The following RERE variants were observed in gnomAD, a reference collection of about 807,000 sequenced individuals.
The protein encoded by RERE is arginine-glutamic acid dipeptide repeats protein.
RERE carries 40 observed loss-of-function variants against 146.1 expected under a neutral mutation model. The observed-to-expected ratio is 0.27, with a 90% CI of 0.21 to 0.36. The LOEUF (loss-of-function observed/expected upper bound fraction) is 0.36, where lower values mean the gene tolerates loss of function less well. Among genes scored for constraint, RERE ranks in the 10% least tolerant of loss-of-function variants. The pLI is 1.00. For missense variants in RERE, 1,933 were observed against 2,138.7 expected (o/e 0.90, Z 1.90); for synonymous variants, 1,003 against 866.0 (o/e 1.16, Z -2.78).
At chr1:8,653,378 T>C (rs1479149162) in intron 2 of RERE, among the ~76,000 whole-genome samples, 1 of 152,206 alleles carries the variant, frequency 6.6e-6, no homozygotes, top group Non-Finnish European at 1.5e-5. Context: ...AAAGTAAATC[T>C]TTCCTTATAC....
intron 12 of RERE, among the ~76,000 whole-genome samples, chr1:8,386,824 A>G (rs903162402): frequency 2.6e-5 from 4 of 152,118 alleles, no homozygotes; most frequent in African/African-American, 9.7e-5. Context: ...TCAGGGGAAA[A>G]GCTGCAACTT....
chr1:8,671,047 A>G (rs915118612), intron 1 of RERE, among the ~76,000 whole-genome samples: 1 of 152,230 alleles, frequency 6.6e-6, no homozygotes, highest in Non-Finnish European at 1.5e-5. Flanking sequence ...TGACATGCAA[A>G]GAGAACAAAA....
At chr1:8,384,593 C>G (rs777857199) in intron 12 of RERE, among the ~76,000 whole-genome samples, 7 of 152,212 alleles carry the variant, frequency 4.6e-5, no homozygotes, top group Non-Finnish European at 7.3e-5. Flanking sequence ...TGATGAATAT[C>G]TGAACTGATG....
chr1:8,495,197 T>C (rs544751699), intron 9 of RERE, 35 bp from the exon 10 acceptor site: 6 of 1,471,654 alleles, frequency 4.1e-6, no homozygotes, highest in Admixed American at 1.7e-5. Flanking sequence ...TATTAGTACA[T>C]AGTAATATCA....
intron 8 of RERE, among the ~76,000 whole-genome samples, chr1:8,504,983 G>A (rs1367235720): frequency 6.6e-6 from 1 of 152,188 alleles, no homozygotes; most frequent in Non-Finnish European, 1.5e-5. Context: ...ACTAGAATGA[G>A]GCCGAACCTC....
At chr1:8,357,351 G>C (rs889082305) in intron 20 of RERE, among the ~76,000 whole-genome samples, 3 of 152,252 alleles carry the variant, frequency 2.0e-5, no homozygotes, top group African/African-American at 4.8e-5. Context: ...GCAATGGTGA[G>C]TGCTCTCCCA....
chr1:8,690,401 G>A (rs1195446973), intron 1 of RERE, among the ~76,000 whole-genome samples: 4 of 152,184 alleles, frequency 2.6e-5, no homozygotes, highest in Admixed American at 2.0e-4. Flanking sequence ...CTTGGGGAAC[G>A]GAAAGCTAAG....
chr1:8,508,712 A>G (rs1645289756), intron 7 of RERE, 37 bp from the exon 8 acceptor site: 1 of 1,501,904 alleles, frequency 6.7e-7, no homozygotes. Context: ...TTAGCGCAAT[A>G]CAGTTTTGAC....
chr1:8,424,210 G>A (rs1407342039), intron 11 of RERE: 1 of 152,138 alleles, frequency 6.6e-6, no homozygotes, highest in Non-Finnish European at 1.5e-5. Context: ...GATTGTGGGC[G>A]GCCTCTCCCT....
intron 1 of RERE, among the ~76,000 whole-genome samples, chr1:8,770,577 A>G (rs1030380726): frequency 2.6e-5 from 4 of 152,164 alleles, no homozygotes; most frequent in African/African-American, 9.7e-5. Flanking sequence ...TATACTTAAC[A>G]ATCCATGAAG....
rs1639524205 is a variant in RERE, at chr1:8,704,729, A to G, written c.-144-48288T>C. 1.3e-5 allele frequency among the ~76,000 whole-genome samples: 2 copies of G among 152,250 alleles called. 1 individual carries two copies. The highest frequency in any genetic ancestry group is 4.1e-4 in the South Asian group (2 of 4,836). On this transcript the variant is annotated intron_variant, in intron 1 of 22. Transcript: ENST00000400908. ...CTCTGCTGGTCTCTCTTTAAAGACA[A>G]ATCAAGTTATTCTACAGGACATAGA...
At chr1:8,612,681 T>C (rs1248580692) in intron 4 of RERE, among the ~76,000 whole-genome samples, 2 of 152,192 alleles carry the variant, frequency 1.3e-5, no homozygotes, top group African/African-American at 2.4e-5. Context: ...GTATTAATAA[T>C]AGCATCCACA....
chr1:8,724,790 C>T (rs548560618), intron 1 of RERE, among the ~76,000 whole-genome samples: 87 of 150,608 alleles, frequency 5.8e-4, no homozygotes, highest in Non-Finnish European at 1.0e-3. Context: ...GATTGCACCA[C>T]TGCACTCCAG....
intron 4 of RERE, among the ~76,000 whole-genome samples, chr1:8,607,270 G>C (rs1646726576): frequency 6.6e-6 from 1 of 151,486 alleles, no homozygotes; most frequent in South Asian, 2.1e-4. Context: ...TGAGGTAGGA[G>C]GATCATCTGC....
intron 7 of RERE, among the ~76,000 whole-genome samples, chr1:8,527,215 A>G (rs918880945): frequency 6.6e-6 from 1 of 152,214 alleles, no homozygotes; most frequent in Admixed American, 6.5e-5. Flanking sequence ...TGCCAAGTAC[A>G]CTTAAATACG....
intron 1 of RERE, among the ~76,000 whole-genome samples, chr1:8,701,764 T>C (rs1427670634): frequency 6.6e-6 from 1 of 151,958 alleles, no homozygotes; most frequent in African/African-American, 2.4e-5. Context: ...CTTTATAAAA[T>C]AGTTTAAACA....
chr1:8,543,586 T>A (rs1645824526), intron 6 of RERE, among the ~76,000 whole-genome samples: 1 of 152,194 alleles, frequency 6.6e-6, no homozygotes, highest in Non-Finnish European at 1.5e-5. Context: ...AAATCAGGTA[T>A]GTTTAGGGCA....
intron 1 of RERE, among the ~76,000 whole-genome samples, chr1:8,689,954 G>A (rs964744377): frequency 2.6e-5 from 4 of 152,130 alleles, no homozygotes; most frequent in Non-Finnish European, 5.9e-5. Flanking sequence ...GGCCAGTAAA[G>A]GCTGTTCAGT....
intron 4 of RERE, among the ~76,000 whole-genome samples, chr1:8,583,569 G>C (rs1453173234): frequency 2.0e-5 from 3 of 152,194 alleles, no homozygotes; most frequent in Non-Finnish European, 4.4e-5. Context: ...AAGTCATCTA[G>C]ACACTTTTGA....
Sources: allele counts gnomAD v4.1 joint callset (sites outside exome capture counted in the v4.1 genomes callset), GRCh38; gene constraint gnomAD v4.1.1; transcripts MANE v1.5; gene names NCBI Gene and HGNC (gene_info 2026-07-23, HGNC 2026-07-21).